PKNOX2: variants seen among roughly 807,000 people sequenced by gnomAD.
The protein encoded by PKNOX2 is homeobox protein PKNOX2.
Under a neutral mutation model 53.1 loss-of-function variants are expected in PKNOX2, and 14 were observed. The ratio of observed to expected loss-of-function variants is 0.26; its 90% CI spans 0.17 to 0.41. The LOEUF is 0.41. Among genes scored for constraint, PKNOX2 ranks in the 10% least tolerant of loss-of-function variants. The pLI, the probability that PKNOX2 is intolerant of heterozygous loss-of-function variation, is 1.00. For missense variants in PKNOX2, 496 were observed against 602.8 expected (o/e 0.82, Z 1.85); for synonymous variants, 257 against 242.8 (o/e 1.06, Z -0.54).
At chr11:125,373,363 G>C (rs143238733) in intron 5 of PKNOX2, among the ~76,000 whole-genome samples, 1 of 152,168 alleles carries the variant, frequency 6.6e-6, no homozygotes, top group Non-Finnish European at 1.5e-5. Context: ...TGGTACATTC[G>C]GGGGGACAGG....
chr11:125,312,107 G>C (rs1178702274), intron 2 of PKNOX2, among the ~76,000 whole-genome samples: 2 of 152,154 alleles, frequency 1.3e-5, no homozygotes, highest in Non-Finnish European at 2.9e-5. Flanking sequence ...GTGTAAAATG[G>C]GAAAAACAGT....
In PKNOX2 at chr11:125,222,739, CTG is replaced by C. The variant is rs547235082; in HGVS notation, c.-200-12302_-200-12301del. ...TATGTGTGTGTGTATGTGTGTGTGT[CTG>C]TGTCTGTGTGCCTGTGTATGTGTGT... On this transcript the variant is annotated intron_variant, in intron 1 of 12. Transcript: ENST00000298282. Among the ~76,000 whole-genome samples, 155 of 134,872 alleles carry C rather than the reference CTG, an allele frequency of 1.1e-3. 2 individuals carry two copies. The highest frequency in any genetic ancestry group is 4.2e-3 in the African/African-American group (147 of 34,724). The allele number at this position is 134,872 out of a possible 152,430, so 88.5% of individuals were successfully genotyped here.
At chr11:125,250,297 A>G (rs996820844) in intron 2 of PKNOX2, among the ~76,000 whole-genome samples, 1 of 152,090 alleles carries the variant, frequency 6.6e-6, no homozygotes, top group Non-Finnish European at 1.5e-5. Context: ...ACTAAACAAG[A>G]AATTTTTGTA....
chr11:125,283,338 G>T (rs1175474059), intron 2 of PKNOX2, among the ~76,000 whole-genome samples: 1 of 152,186 alleles, frequency 6.6e-6, no homozygotes, highest in Non-Finnish European at 1.5e-5. Context: ...GGAGGTTGGG[G>T]TCAAGACAAA....
chr11:125,365,503 A>C (rs766246883), intron 4 of PKNOX2, among the ~76,000 whole-genome samples: 3 of 152,206 alleles, frequency 2.0e-5, no homozygotes, highest in Non-Finnish European at 4.4e-5. Context: ...ATTTTAACTT[A>C]TTAGATGAGG....
intron 4 of PKNOX2, among the ~76,000 whole-genome samples, chr11:125,353,854 C>A (rs1951450213): frequency 6.6e-6 from 1 of 152,080 alleles, no homozygotes; most frequent in Non-Finnish European, 1.5e-5. Flanking sequence ...TTGGCCTTCC[C>A]CAAGCTGAGC....
In PKNOX2 at chr11:125,410,291, C is replaced by T. The variant is rs768234237; in HGVS notation, c.684C>T (p.Ile228=). 4 of 1,614,042 alleles carry T rather than the reference C, an allele frequency of 2.5e-6. No individual in the cohort carries two copies. The highest frequency in any genetic ancestry group is 2.2e-5 in the East Asian group (1 of 44,846). ...VPASALQQGN[I]AMTTVNSQVV... The stretch of plus-strand genomic sequence containing the variant: ...CCTCAGCGCTCCAGCAGGGCAACAT[C>T]GCCATGACAACCGTCAACTCACAAG... The change falls in exon 8 of 13, where the codon ATC becomes ATT. Residue 228 remains isoleucine, a synonymous_variant. Coordinates refer to ENST00000298282, the MANE Select transcript of PKNOX2 (RefSeq NM_001382323.2).
At chr11:125,336,020 C>T (rs1378165449) in intron 3 of PKNOX2, among the ~76,000 whole-genome samples, 4 of 152,154 alleles carry the variant, frequency 2.6e-5, no homozygotes, top group African/African-American at 9.7e-5. Context: ...GTTCTAAAAA[C>T]TTGCTTTTTA....
chr11:125,282,916 C>T (rs149255831), intron 2 of PKNOX2, among the ~76,000 whole-genome samples: 65 of 152,298 alleles, frequency 4.3e-4, no homozygotes, highest in Non-Finnish European at 6.9e-4. Context: ...CTTTGGGGTG[C>T]TGAGGCGGGT....
chr11:125,385,799 C>A, intron 6 of PKNOX2, 77 bp downstream of exon 6: 1 of 1,502,830 alleles, frequency 6.7e-7, no homozygotes, highest in Non-Finnish European at 8.9e-7. Flanking sequence ...TAGAAATGAT[C>A]CTTTCATTAA....
intron 5 of PKNOX2, among the ~76,000 whole-genome samples, chr11:125,373,416 C>T (rs551842796): frequency 6.6e-6 from 1 of 152,218 alleles, no homozygotes; most frequent in Non-Finnish European, 1.5e-5. Flanking sequence ...CTAGCTCCAT[C>T]ACTGGACACT....
intron 2 of PKNOX2, among the ~76,000 whole-genome samples, chr11:125,242,048 T>C (rs1943192173): frequency 7.4e-6 from 1 of 135,810 alleles, no homozygotes; most frequent in East Asian, 1.9e-4. Flanking sequence ...GCTGACACCA[T>C]GCACCATGCA....
chr11:125,374,095 T>G (rs1305621411), intron 5 of PKNOX2, among the ~76,000 whole-genome samples: 1 of 152,132 alleles, frequency 6.6e-6, no homozygotes, highest in African/African-American at 2.4e-5. Context: ...ATGAAGTGTC[T>G]TTGAGAGAAC....
At chr11:125,353,417 C>T (rs1022512722) in intron 4 of PKNOX2, among the ~76,000 whole-genome samples, 7 of 152,200 alleles carry the variant, frequency 4.6e-5, no homozygotes, top group African/African-American at 1.7e-4. Flanking sequence ...AATGCTGATC[C>T]AGAAGCCTAA....
intron 1 of PKNOX2, among the ~76,000 whole-genome samples, chr11:125,189,415 G>GTATATATATA (rs1956672497): frequency 1.4e-4 from 8 of 58,172 alleles, no homozygotes; most frequent in Admixed American, 2.4e-4. Context: ...ATATATATAT[G>GTATATATATA]TGTGTGTGTG....
chr11:125,183,198 C>CTTTT (rs10676031), intron 1 of PKNOX2, among the ~76,000 whole-genome samples: 10 of 85,854 alleles, frequency 1.2e-4, no homozygotes, highest in East Asian at 3.6e-4. Flanking sequence ...GCGATGAATC[C>CTTTT]TTTTTTTTTT....
At chr11:125,169,365 G>A (rs1412249712) in intron 1 of PKNOX2, among the ~76,000 whole-genome samples, 1 of 152,214 alleles carries the variant, frequency 6.6e-6, no homozygotes, top group Non-Finnish European at 1.5e-5. Context: ...AGCTCCACGG[G>A]CTGGGTTCTA....
chr11:125,263,365 G>A (rs1945032198), intron 2 of PKNOX2, among the ~76,000 whole-genome samples: 1 of 152,226 alleles, frequency 6.6e-6, no homozygotes, highest in Admixed American at 6.5e-5. Context: ...GGAGCAAATG[G>A]AGGGGATCTG....
At chr11:125,277,838 T>G (rs939314803) in intron 2 of PKNOX2, among the ~76,000 whole-genome samples, 2 of 152,206 alleles carry the variant, frequency 1.3e-5, no homozygotes, top group African/African-American at 4.8e-5. Context: ...TTACACTGAT[T>G]TGATCATTTC....
Sources: allele counts gnomAD v4.1 joint callset (sites outside exome capture counted in the v4.1 genomes callset), GRCh38; gene constraint gnomAD v4.1.1; transcripts MANE v1.5; gene names NCBI Gene and HGNC (gene_info 2026-07-23, HGNC 2026-07-21).